The following ADAM10 variants were observed in gnomAD, a reference collection of about 807,000 sequenced individuals.
The protein encoded by ADAM10 is disintegrin and metalloproteinase domain-containing protein 10.
ADAM10 carries 17 observed loss-of-function variants against 90.1 expected under a neutral mutation model. That is an observed-to-expected ratio of 0.19 (90% CI 0.13 to 0.28). The LOEUF is 0.28. ADAM10 is among the 10% of genes least tolerant of loss of function. ADAM10 has a pLI of 1.00. For missense variants in ADAM10, 610 were observed against 914.3 expected, an observed-to-expected ratio of 0.67 and a Z score of 4.29; for synonymous variants, 310 against 298.6, an observed-to-expected ratio of 1.04 and a Z score of -0.40.
intron 5 of ADAM10, among the ~76,000 whole-genome samples, chr15:58,660,816 G>C (rs147840089): frequency 6.6e-5 from 10 of 152,312 alleles, no homozygotes; most frequent in African/African-American, 2.4e-4. Context: ...AGGCCTAATA[G>C]TAAACATTTA....
chr15:58,674,845 G>A (rs776049655), intron 4 of ADAM10, among the ~76,000 whole-genome samples: 2 of 152,190 alleles, frequency 1.3e-5, no homozygotes, highest in Admixed American at 6.5e-5. Flanking sequence ...AATAAGTATA[G>A]GTATGGCTAA....
At chr15:58,686,358 T>A in intron 2 of ADAM10, 1 of 740,820 alleles carries the variant, frequency 1.3e-6, no homozygotes, top group Non-Finnish European at 2.3e-6. Flanking sequence ...TTCAAACCTA[T>A]CCTAATAAAG....
At chr15:58,650,089 A>T in intron 5 of ADAM10, among the ~76,000 whole-genome samples, 1 of 152,086 alleles carries the variant, frequency 6.6e-6, no homozygotes, top group East Asian at 1.9e-4. Context: ...TTCTTTTGTT[A>T]ATTTTCAATT....
chr15:58,726,564 TCC>T (rs762649004), intron 1 of ADAM10, among the ~76,000 whole-genome samples: 1 of 25,928 alleles, frequency 3.9e-5, no homozygotes, highest in Non-Finnish European at 6.2e-5. Context: ...GACCTCAGTC[TCC>T]CAAAAAAAAA....
At chr15:58,711,461 C>A (rs984491097) in intron 2 of ADAM10, among the ~76,000 whole-genome samples, 13 of 152,168 alleles carry the variant, frequency 8.5e-5, no homozygotes, top group Admixed American at 4.6e-4. Context: ...CTCTAGATTT[C>A]ATGTCAAGTC....
At chr15:58,655,711 G>GTGTATATATATATATATATATA (rs1212041296) in intron 5 of ADAM10, among the ~76,000 whole-genome samples, 4 of 53,710 alleles carry the variant, frequency 7.4e-5, no homozygotes, top group East Asian at 5.8e-4. Context: ...TATATATATA[G>GTGTATATATATATATATATATA]TATATATATA....
chr15:58,743,225 T>C (rs1899673154), intron 1 of ADAM10, among the ~76,000 whole-genome samples: 2 of 152,182 alleles, frequency 1.3e-5, no homozygotes, highest in African/African-American at 4.8e-5. Flanking sequence ...AGATTTGAAA[T>C]CACTATGTGT....
chr15:58,619,120 G>T (rs1280574214), intron 11 of ADAM10, among the ~76,000 whole-genome samples: 1 of 152,080 alleles, frequency 6.6e-6, no homozygotes, highest in Non-Finnish European at 1.5e-5. Context: ...GAGACAAATG[G>T]ATAAAGAAAA....
rs1182128792 is a variant in ADAM10 at position 58,643,860 on chromosome 15, T to G, written c.828+26A>C. 3.3e-6 allele frequency: 5 copies of G among 1,515,046 alleles called. No homozygotes were observed. The Admixed American group carries it at 5.0e-5, about 15-fold the overall frequency. 93.9% of individuals were successfully genotyped at this position (1,515,046 alleles called of 1,614,324 possible). Reference sequence around the variant, plus strand: ...AGTCTGGACTGTTTCACTTTTTAAGTGTTTTTAACTATTTAAGTTCCTTAC... The same window carrying G: ...AGTCTGGACTGTTTCACTTTTTAAGGGTTTTTAACTATTTAAGTTCCTTAC... On this transcript the variant is annotated intron_variant, in intron 7 of 15. Transcript: ENST00000260408.
intron 5 of ADAM10, among the ~76,000 whole-genome samples, chr15:58,647,605 G>C (rs946467832): frequency 6.6e-6 from 1 of 152,106 alleles, no homozygotes; most frequent in African/African-American, 2.4e-5. Context: ...CTGGAGTGCA[G>C]TGGCATGATC....
chr15:58,609,797 C>G (rs1218763202), intron 14 of ADAM10: 1 of 162,454 alleles, frequency 6.2e-6, no homozygotes, highest in Non-Finnish European at 1.4e-5. Flanking sequence ...CAGTGGATTA[C>G]TGCTGGATGA....
chr15:58,749,009 G>A (rs1180368131), intron 1 of ADAM10: 1 of 399,160 alleles, frequency 2.5e-6, no homozygotes. Context: ...CGGCGGAGAG[G>A]ACTTCGGAAT....
intron 5 of ADAM10, among the ~76,000 whole-genome samples, chr15:58,647,438 G>T (rs1434902325): frequency 6.6e-6 from 1 of 151,276 alleles, no homozygotes; most frequent in African/African-American, 2.4e-5. Context: ...TTTTGTTTCT[G>T]AATTTTTAGT....
chr15:58,746,982 C>G (rs563002589), intron 1 of ADAM10, among the ~76,000 whole-genome samples: 2 of 152,282 alleles, frequency 1.3e-5, no homozygotes, highest in East Asian at 3.9e-4. Context: ...TTCCAGAAAA[C>G]TTATTTCTAT....
rs1421305529 is a variant in ADAM10 at position 58,595,155 on chromosome 15, G to C, written c.*2392C>G. On this transcript the variant is annotated 3_prime_UTR_variant, in exon 16 of 16. Transcript: ENST00000260408. ...CAAAATGACTCACCTCTTCCACCAA[G>C]ACAAGCACTGAATATTGATTAGAAA... is the stretch of plus-strand genomic sequence containing the variant. 2 of 151,934 alleles carry C rather than the reference G, an allele frequency of 1.3e-5. No individual in the cohort carries two copies. The highest frequency in any genetic ancestry group is 2.9e-5 in the Non-Finnish European group (2 of 67,964). The allele number at this position is 151,934 out of a possible 1,614,324, so 9.4% of individuals were successfully genotyped here.
intron 6 of ADAM10, among the ~76,000 whole-genome samples, chr15:58,644,856 G>C (rs543377937): frequency 1.3e-5 from 2 of 152,314 alleles, no homozygotes; most frequent in Middle Eastern, 3.4e-3. Context: ...GCTTACTTTA[G>C]TAGCGGAAGA....
At chr15:58,690,306 C>T (rs1423976548) in intron 2 of ADAM10, among the ~76,000 whole-genome samples, 1 of 152,154 alleles carries the variant, frequency 6.6e-6, no homozygotes, top group Admixed American at 6.5e-5. Flanking sequence ...CTGAATGCTT[C>T]TCTCCTAAGA....
intron 4 of ADAM10, among the ~76,000 whole-genome samples, chr15:58,671,945 T>C (rs1488687063): frequency 6.6e-6 from 1 of 152,146 alleles, no homozygotes; most frequent in Non-Finnish European, 1.5e-5. Flanking sequence ...CATGGATCCA[T>C]GTCATACTGC....
At chr15:58,719,628 T>C (rs1039447829) in intron 1 of ADAM10, among the ~76,000 whole-genome samples, 2 of 152,216 alleles carry the variant, frequency 1.3e-5, no homozygotes, top group Non-Finnish European at 2.9e-5. Context: ...TTCTAAGATT[T>C]GTTAGACAAC....
Sources: allele counts gnomAD v4.1 joint callset (sites outside exome capture counted in the v4.1 genomes callset), GRCh38; gene constraint gnomAD v4.1.1; transcripts MANE v1.5; gene names NCBI Gene and HGNC (gene_info 2026-07-23, HGNC 2026-07-21).